KLHL29: variants seen among roughly 807,000 people sequenced by gnomAD.
The protein encoded by KLHL29 is kelch like family member 29.
A neutral mutation model predicts 80.4 loss-of-function variants in KLHL29; 21 were observed. The ratio of observed to expected loss-of-function variants is 0.26; its 90% CI spans 0.19 to 0.38. KLHL29 has a LOEUF of 0.38. Ranked by LOEUF, KLHL29 falls within the 10% of genes least tolerant of loss-of-function variation. The pLI, the probability that KLHL29 is intolerant of heterozygous loss-of-function variation, is 1.00. For synonymous variants in KLHL29, 511 were observed against 526.8 expected (o/e 0.97, Z 0.41); for missense variants, 867 against 1,223.9 (o/e 0.71, Z 4.35).
At chr2:23,400,582 A>C (rs1198693113) in intron 1 of KLHL29, among the ~76,000 whole-genome samples, 4 of 152,116 alleles carry the variant, frequency 2.6e-5, no homozygotes, top group African/African-American at 9.7e-5. Context: ...TAATCCTAGC[A>C]CTTTGGGAGG....
intron 3 of KLHL29, among the ~76,000 whole-genome samples, chr2:23,567,093 G>A (rs1667606989): frequency 6.6e-6 from 1 of 152,210 alleles, no homozygotes; most frequent in Admixed American, 6.5e-5. Context: ...CTCCTGAGAA[G>A]CAGAACTGCG....
chr2:23,489,111 T>C (rs896589063), intron 2 of KLHL29, among the ~76,000 whole-genome samples: 3 of 152,094 alleles, frequency 2.0e-5, no homozygotes, highest in Non-Finnish European at 4.4e-5. Flanking sequence ...GAGAAACTGG[T>C]GTTTATCACA....
At chr2:23,569,742 T>TA (rs1028586381) in intron 3 of KLHL29, among the ~76,000 whole-genome samples, 2 of 152,086 alleles carry the variant, frequency 1.3e-5, no homozygotes, top group African/African-American at 4.8e-5. Flanking sequence ...GAAATAAACA[T>TA]AAAAAGGAGA....
intron 2 of KLHL29, among the ~76,000 whole-genome samples, chr2:23,494,579 T>TA (rs1208003494): frequency 6.6e-6 from 1 of 152,170 alleles, no homozygotes. Flanking sequence ...GTTTCCAAGA[T>TA]ATAGGACTGC....
chr2:23,426,529 G>A (rs935460060), intron 1 of KLHL29, among the ~76,000 whole-genome samples: 6 of 152,238 alleles, frequency 3.9e-5, no homozygotes, highest in African/African-American at 1.4e-4. Context: ...GCTACAGGAA[G>A]GCCTTTCAGG....
intron 2 of KLHL29, among the ~76,000 whole-genome samples, chr2:23,520,441 G>T (rs571787493): frequency 6.6e-6 from 1 of 152,206 alleles, no homozygotes; most frequent in Non-Finnish European, 1.5e-5. Flanking sequence ...TTCCCAGCCG[G>T]GGTGATGGAG....
chr2:23,564,383 G>A (rs79668064), intron 3 of KLHL29, among the ~76,000 whole-genome samples: 2 of 152,228 alleles, frequency 1.3e-5, no homozygotes, highest in African/African-American at 2.4e-5. Context: ...GTGGCCAGGA[G>A]GGGGAGAGGG....
At chr2:23,394,692 A>G (rs920237106) in intron 1 of KLHL29, among the ~76,000 whole-genome samples, 6 of 152,280 alleles carry the variant, frequency 3.9e-5, no homozygotes, top group Admixed American at 3.9e-4. Context: ...CACAGTTGAC[A>G]TAGTAAGTTG....
At chr2:23,643,637 G>A (rs1669839998) in intron 5 of KLHL29, 1 of 153,408 alleles carries the variant, frequency 6.5e-6, no homozygotes. Flanking sequence ...CAGACTGGAA[G>A]GCAGAAGGGG....
intron 1 of KLHL29, among the ~76,000 whole-genome samples, chr2:23,467,559 T>C (rs1457800004): frequency 6.6e-6 from 1 of 152,182 alleles, no homozygotes; most frequent in East Asian, 1.9e-4. Flanking sequence ...TCAGATCTAT[T>C]CAAATAAAAT....
intron 3 of KLHL29, among the ~76,000 whole-genome samples, chr2:23,578,200 C>T (rs1019100387): frequency 1.3e-5 from 2 of 152,166 alleles, no homozygotes; most frequent in Admixed American, 1.3e-4. Flanking sequence ...AACCGTCAGT[C>T]GCTTAGCCAA....
At chr2:23,668,176 A>C (rs1469093264) in intron 5 of KLHL29, 1 of 152,098 alleles carries the variant, frequency 6.6e-6, no homozygotes, top group Non-Finnish European at 1.5e-5. Context: ...CCCTTCCTGC[A>C]TGGCTGGTGG....
At chr2:23,514,944 G>A (rs116176817) in intron 2 of KLHL29, among the ~76,000 whole-genome samples, 1,643 of 152,086 alleles carry the variant, frequency 0.011, 29 homozygotes, top group African/African-American at 0.038. Flanking sequence ...TCCCTCCTAT[G>A]TCCTTAATCT....
At chr2:23,671,479 A>G (rs1389841395) in intron 5 of KLHL29, among the ~76,000 whole-genome samples, 1 of 152,170 alleles carries the variant, frequency 6.6e-6, no homozygotes, top group Non-Finnish European at 1.5e-5. Context: ...GCACATAGGA[A>G]TTTAGGCTTT....
rs948669114 is a variant in KLHL29 at position 23,680,755 on chromosome 2, T to A, written c.941-3644T>A. On this transcript the variant is annotated intron_variant, in intron 5 of 13. Coordinates refer to ENST00000486442, the MANE Select transcript of KLHL29 (RefSeq NM_052920.2). The surrounding 1 kb of genome is among the most constrained non-coding windows in gnomAD (Gnocchi z 4.1). ...ATCTTCCCCTGGGGTCTCTAGGCCATCTTCTCCTGGGGTCTCTAGGCCATC... is the reference window on the plus strand; with the variant it reads ...ATCTTCCCCTGGGGTCTCTAGGCCAACTTCTCCTGGGGTCTCTAGGCCATC... Among the ~76,000 whole-genome samples, 1 of 147,744 alleles carries A rather than the reference T, an allele frequency of 6.8e-6. No homozygotes were observed.
At chr2:23,523,460 T>C (rs1489846352) in intron 2 of KLHL29, among the ~76,000 whole-genome samples, 1 of 152,208 alleles carries the variant, frequency 6.6e-6, no homozygotes, top group Non-Finnish European at 1.5e-5. Flanking sequence ...ATACAGTAAG[T>C]ATGTTAATTC....
At chr2:23,529,253 A>G (rs1666423304) in intron 2 of KLHL29, among the ~76,000 whole-genome samples, 1 of 151,976 alleles carries the variant, frequency 6.6e-6, no homozygotes, top group African/African-American at 2.4e-5. Flanking sequence ...GGGACTACAG[A>G]TGCACACCAC....
chr2:23,420,425 G>A lies in KLHL29; in HGVS notation c.-154+34645G>A, dbSNP rs554401523. Among the ~76,000 whole-genome samples, 38 of 152,296 alleles carry A rather than the reference G, an allele frequency of 2.5e-4. 1 individual carries two copies. Among genetic ancestry groups the A allele is most frequent in the African/African-American group, 7.7e-4 (32 of 41,558 alleles). ...GAATGGGGCTTGTTTTACGGGAGGC[G>A]GAATCCCACAGGAACACAGGCCCGC... is the stretch of plus-strand genomic sequence containing the variant. On this transcript the variant is annotated intron_variant, in intron 1 of 13. Coordinates refer to ENST00000486442, the MANE Select transcript of KLHL29 (RefSeq NM_052920.2).
chr2:23,420,775 C>T (rs1157687537), intron 1 of KLHL29, among the ~76,000 whole-genome samples: 1 of 152,142 alleles, frequency 6.6e-6, no homozygotes, highest in African/African-American at 2.4e-5. Flanking sequence ...CCAGAAATGG[C>T]ACTGCTGAGG....
Sources: allele counts gnomAD v4.1 joint callset (sites outside exome capture counted in the v4.1 genomes callset), GRCh38; gene constraint gnomAD v4.1.1; non-coding constraint Gnocchi (gnomAD v3.1); transcripts MANE v1.5; gene names NCBI Gene and HGNC (gene_info 2026-07-23, HGNC 2026-07-21).